Variants in LDLRAP1 observed in about 807,000 individuals in gnomAD.
LDLRAP1 encodes low density lipoprotein receptor adapter protein 1.
LDLRAP1 carries 30 observed loss-of-function variants against 37.8 expected under a neutral mutation model. That is an observed-to-expected ratio of 0.79 (90% CI 0.59 to 1.08). The LOEUF (loss-of-function observed/expected upper bound fraction) is 1.08, where lower values mean the gene tolerates loss of function less well. LDLRAP1 is among the 50% of genes least tolerant of loss of function. LDLRAP1 has a pLI of 0.00. For missense variants in LDLRAP1, 375 were observed against 401.6 expected (o/e 0.93, Z 0.57); for synonymous variants, 156 against 169.8 (o/e 0.92, Z 0.63).
At chr1:25,575,174 G>A in the LDLRAP1 span, among the ~76,000 whole-genome samples, 6 of 152,264 alleles carry the variant, frequency 3.9e-5, no homozygotes, top group South Asian at 1.2e-3. Flanking sequence ...TATGATGTTT[G>A]GGCCTTGCCA....
chr1:25,557,061 C>G, intron 3 of LDLRAP1, 92 bp from the exon 4 acceptor site: 2 of 914,278 alleles, frequency 2.2e-6, no homozygotes, highest in South Asian at 2.7e-5. Context: ...ATAGCAGGTT[C>G]TCTGCAACTC....
At chr1:25,558,121 G>A (rs183732193) in intron 4 of LDLRAP1, among the ~76,000 whole-genome samples, 34 of 152,256 alleles carry the variant, frequency 2.2e-4, no homozygotes, top group South Asian at 4.1e-4. Flanking sequence ...GAAGTGGAGT[G>A]GGTCAACCTT....
chr1:25,563,021 C>A, intron 5 of LDLRAP1, 49 bp from the exon 6 acceptor site: 1 of 1,551,844 alleles, frequency 6.4e-7, no homozygotes, highest in Non-Finnish European at 8.9e-7. Context: ...TTGCTGGGGA[C>A]AGAGTGCTGG....
At position 25,554,195 on chromosome 1, in the gene LDLRAP1, C is replaced by A; in HGVS notation, c.231+131C>A. 1.7e-6 allele frequency: 2 copies of A among 1,188,908 alleles called. No homozygotes were observed. The highest frequency in any genetic ancestry group is 2.4e-6 in the Non-Finnish European group (2 of 837,956). The allele number at this position is 1,188,908 out of a possible 1,614,324, so 73.6% of individuals were successfully genotyped here. The stretch of plus-strand genomic sequence containing the variant: ...CTGGCCCTGCCCTTCATTCTCCTTC[C>A]ATCCAGCTTTTGGGCCTTGGCAGAG... On this transcript the variant is annotated intron_variant, in intron 2 of 8. Coordinates refer to ENST00000374338, the MANE Select transcript of LDLRAP1 (RefSeq NM_015627.3). The surrounding 1 kb of genome is among the most constrained non-coding windows in gnomAD (Gnocchi z 5.4).
chr1:25,563,133 G>T lies in LDLRAP1; in HGVS notation c.596G>T (p.Cys199Phe), dbSNP rs748546802. The change falls in exon 6 of 9, where the codon TGC becomes TTC. Residue 199 changes from cysteine (C) to phenylalanine (F), a missense_variant. Physicochemically the swap from Cys to Phe is radical, Grantham distance 205. Coordinates refer to ENST00000374338, the MANE Select transcript of LDLRAP1 (RefSeq NM_015627.3). ...GGDVLGARQD[C>F]TPSLKSLVAT... ...GACGTCCTGGGGGCCCGCCAAGACTGCACCCCCTCCTTGAAGAGCTGTGAG... is the reference window on the plus strand; with the variant it reads ...GACGTCCTGGGGGCCCGCCAAGACTTCACCCCCTCCTTGAAGAGCTGTGAG... The T allele has an allele frequency of 6.2e-6, 10 of 1,613,986 alleles. No homozygotes were observed. Among genetic ancestry groups the T allele is most frequent in the South Asian group, 1.1e-5 (1 of 91,078 alleles).
chr1:25,586,484 G>A, the LDLRAP1 span, among the ~76,000 whole-genome samples: 1 of 145,820 alleles, frequency 6.9e-6, no homozygotes, highest in African/African-American at 2.7e-5. The surrounding 1 kb of genome is among the most constrained non-coding windows in gnomAD (Gnocchi z 4.3). Context: ...TCCCACGTGC[G>A]TGTGCGTGTG....
chr1:25,545,037 G>A (rs2043899913), intron 1 of LDLRAP1, among the ~76,000 whole-genome samples: 1 of 152,256 alleles, frequency 6.6e-6, no homozygotes, highest in Non-Finnish European at 1.5e-5. Flanking sequence ...GTGGGGTGGT[G>A]CCTGCTGGTG....
the LDLRAP1 span, among the ~76,000 whole-genome samples, chr1:25,584,497 C>G: frequency 1.3e-5 from 2 of 152,158 alleles, no homozygotes; most frequent in Non-Finnish European, 2.9e-5. Context: ...GTTGGCCACA[C>G]CAGCAGAGGT....
At chr1:25,585,994 G>A in the LDLRAP1 span, among the ~76,000 whole-genome samples, 9 of 152,270 alleles carry the variant, frequency 5.9e-5, no homozygotes, top group East Asian at 5.8e-4. Flanking sequence ...TGAGAGTGTC[G>A]TTTTATTCCC....
chr1:25,562,901 C>T, intron 5 of LDLRAP1, 169 bp from the exon 6 acceptor site: 3 of 823,730 alleles, frequency 3.6e-6, no homozygotes, highest in African/African-American at 3.4e-5. Context: ...TCTCCCTCCC[C>T]AAAGGTGCTT....
chr1:25,575,742 T>C, the LDLRAP1 span, among the ~76,000 whole-genome samples: 1 of 152,200 alleles, frequency 6.6e-6, no homozygotes, highest in Non-Finnish European at 1.5e-5. Flanking sequence ...GCACTGAGTA[T>C]GTGCCCAGCC....
the LDLRAP1 span, among the ~76,000 whole-genome samples, chr1:25,575,598 AAAAC>A: frequency 8.5e-5 from 13 of 152,176 alleles, no homozygotes; most frequent in Non-Finnish European, 1.6e-4. Context: ...CTGTCTTACA[AAAAC>A]AAACAAACAA....
intron 4 of LDLRAP1, 129 bp from the exon 5 acceptor site, chr1:25,562,515 G>A (rs1351023561): frequency 2.6e-6 from 2 of 765,354 alleles, no homozygotes; most frequent in Non-Finnish European, 4.6e-6. Context: ...TCCAGAGCCT[G>A]GGATGGAGCT....
chr1:25,566,806 GCCC>G, intron 8 of LDLRAP1, 39 bp from the exon 9 acceptor site: 1 of 1,589,698 alleles, frequency 6.3e-7, no homozygotes, highest in African/African-American at 1.3e-5. Flanking sequence ...GGGCGCGCCA[GCCC>G]TCACCCAGGC....
At chr1:25,562,775 C>G in intron 5 of LDLRAP1, 59 bp downstream of exon 5, 1 of 1,494,650 alleles carries the variant, frequency 6.7e-7, no homozygotes, top group Non-Finnish European at 9.3e-7. Context: ...CATAAAGGCC[C>G]TGGGGTCAGA....
At chr1:25,574,923 C>T in the LDLRAP1 span, among the ~76,000 whole-genome samples, 1 of 152,276 alleles carries the variant, frequency 6.6e-6, no homozygotes, top group South Asian at 2.1e-4. Context: ...GCTCACTTGA[C>T]ATTCCACAGC....
intron 1 of LDLRAP1, 39 bp from the exon 2 acceptor site, chr1:25,553,883 G>A: frequency 1.9e-6 from 3 of 1,609,564 alleles, no homozygotes; most frequent in Non-Finnish European, 1.7e-6. Flanking sequence ...GGTGGGCCCT[G>A]AGCCGCAGGG....
chr1:25,543,941 G>A (rs1437994392), intron 1 of LDLRAP1, among the ~76,000 whole-genome samples, 155 bp downstream of exon 1: 1 of 152,020 alleles, frequency 6.6e-6, no homozygotes, highest in Admixed American at 6.5e-5. Flanking sequence ...CGGGGCAGGG[G>A]GTCGGCCGGG....
chr1:25,553,381 T>C (rs1469261577), intron 1 of LDLRAP1: 1 of 156,814 alleles, frequency 6.4e-6, no homozygotes, highest in African/African-American at 2.4e-5. Flanking sequence ...TTGCACTTCC[T>C]GGCTCTCTGG....
Sources: gnomAD v4.1 joint callset for allele counts (sites outside exome capture counted in the v4.1 genomes callset) on GRCh38, gnomAD v4.1.1 for gene constraint, Gnocchi (gnomAD v3.1) non-coding constraint, MANE v1.5 for transcripts, NCBI Gene and HGNC (gene_info 2026-07-23, HGNC 2026-07-21) for gene names.